DCT: variants seen among roughly 807,000 people sequenced by gnomAD.
DCT encodes dopachrome tautomerase.
DCT carries 47 observed loss-of-function variants against 53.0 expected under a neutral mutation model. The ratio of observed to expected loss-of-function variants is 0.89; its 90% CI spans 0.70 to 1.13. DCT has a LOEUF of 1.13. Ranked by LOEUF, DCT falls within the 50% of genes most tolerant of loss-of-function variation. The pLI is 0.00. For synonymous variants in DCT, 244 were observed against 237.0 expected, an observed-to-expected ratio of 1.03 and a Z score of -0.27; for missense variants, 669 against 637.4, an observed-to-expected ratio of 1.05 and a Z score of -0.53.
chr13:94,466,859 C>G (rs1305874991), intron 2 of DCT: 1 of 345,664 alleles, frequency 2.9e-6, no homozygotes, highest in Non-Finnish European at 5.3e-6. Flanking sequence ...TTAGGATAAA[C>G]CCTCCTTTAT....
upstream of DCT, among the ~76,000 whole-genome samples, chr13:94,484,552 C>G (rs1885582800): frequency 6.6e-6 from 1 of 152,160 alleles, no homozygotes; most frequent in Non-Finnish European, 1.5e-5. Context: ...CAGAAATGTA[C>G]TTTCCCACAG....
the DCT span, among the ~76,000 whole-genome samples, chr13:94,489,864 A>T: frequency 6.6e-6 from 1 of 152,186 alleles, no homozygotes; most frequent in Non-Finnish European, 1.5e-5. Flanking sequence ...TATAACTCAC[A>T]CATAGAAGAT....
At chr13:94,481,157 C>T (rs1348931036), upstream of DCT, among the ~76,000 whole-genome samples, 1 of 152,216 alleles carries the variant, frequency 6.6e-6, no homozygotes, top group Admixed American at 6.5e-5. Context: ...ATGTCTGTTT[C>T]TTATAAGGAC....
the DCT span, among the ~76,000 whole-genome samples, chr13:94,498,042 G>A: frequency 6.6e-6 from 1 of 152,210 alleles, no homozygotes; most frequent in Non-Finnish European, 1.5e-5. Flanking sequence ...CTGTCCTCAG[G>A]AAGCAAACTC....
In DCT at chr13:94,452,562, C is replaced by T. The variant is rs369005533; in HGVS notation, c.1179+7529G>A. The T allele has an allele frequency of 5.8e-5, 43 of 741,646 alleles. No homozygotes were observed. The African/African-American group carries it at 6.3e-4, about 11-fold the overall frequency. The allele number at this position is 741,646 out of a possible 1,614,324, so 45.9% of individuals were successfully genotyped here. ...TGTAACATTTATCAAATTTCAAATGCATTTTTTTACCCTTTAAGCCAGGGA... is the reference window on the plus strand; with the variant it reads ...TGTAACATTTATCAAATTTCAAATGTATTTTTTTACCCTTTAAGCCAGGGA... On this transcript the variant is annotated intron_variant, in intron 6 of 7. Transcript: ENST00000377028.
chr13:94,529,438 G>T, the DCT span, among the ~76,000 whole-genome samples: 37 of 152,124 alleles, frequency 2.4e-4, no homozygotes, highest in African/African-American at 5.8e-4. Flanking sequence ...ACAACAAACT[G>T]TCTCTCACAC....
Position 94,438,728 on chromosome 13 carries a change from T to A in DCT, c.*1170A>T. The A allele has an allele frequency of 2.2e-6, 1 of 449,436 alleles. No individual in the cohort carries two copies. The highest frequency in any genetic ancestry group is 1.6e-5 in the South Asian group (1 of 62,850). 27.8% of individuals were successfully genotyped at this position (449,436 alleles called of 1,614,324 possible). On this transcript the variant is annotated 3_prime_UTR_variant, in exon 8 of 8. Coordinates refer to ENST00000377028, the MANE Select transcript of DCT (RefSeq NM_001922.5). ...GTAGTAAAGATTGTCTCATTCTTAT[T>A]CCTCATGATCTGATGATTGCATAGC...
At chr13:94,458,074 C>A (rs1360286020) in intron 6 of DCT, among the ~76,000 whole-genome samples, 5 of 152,190 alleles carry the variant, frequency 3.3e-5, no homozygotes, top group African/African-American at 9.7e-5. Flanking sequence ...GTCCAAGATG[C>A]AAGATGCGTG....
intron 3 of DCT, among the ~76,000 whole-genome samples, 171 bp from the exon 4 acceptor site, chr13:94,465,970 A>T (rs1405160862): frequency 0.028 from 58 of 2,064 alleles, no homozygotes; most frequent in East Asian, 0.091. Context: ...TGTATATTTT[A>T]TATATATATA....
rs1882133608 is a variant in DCT at position 94,439,649 on chromosome 13, T to C, written c.*249A>G. On this transcript the variant is annotated 3_prime_UTR_variant, in exon 8 of 8. Coordinates refer to ENST00000377028, the MANE Select transcript of DCT (RefSeq NM_001922.5). ...TTGGGGGGGGGGTTATTATTAGATA[T>C]CACAAATTGTCAGGTCTATCTTTAT... The C allele has an allele frequency of 6.7e-6, 2 of 300,520 alleles. No homozygotes were observed. The highest frequency in any genetic ancestry group is 2.2e-5 in the African/African-American group (1 of 46,192). 18.6% of individuals were successfully genotyped at this position (300,520 alleles called of 1,614,324 possible).
At chr13:94,533,824 AC>A in the DCT span, among the ~76,000 whole-genome samples, 3 of 152,294 alleles carry the variant, frequency 2.0e-5, no homozygotes, top group East Asian at 5.8e-4. Context: ...TCTCTTACCA[AC>A]TCAATTAGAA....
Position 94,436,909 on chromosome 13 carries a change from C to T in DCT, c.*2989G>A, listed in dbSNP as rs1179787020. Reference sequence around the variant, plus strand: ...ACTATAGAAATAGGAAGAGCTTCAACCTTAGAGTCTCCAACAAATTGACCC... The same window carrying T: ...ACTATAGAAATAGGAAGAGCTTCAATCTTAGAGTCTCCAACAAATTGACCC... On this transcript the variant is annotated 3_prime_UTR_variant, in exon 8 of 8. Transcript: ENST00000377028. The T allele has an allele frequency of 1.3e-5, 2 of 152,172 alleles. No homozygotes were observed. Among genetic ancestry groups the T allele is most frequent in the Admixed American group, 6.5e-5 (1 of 15,278 alleles). 9.4% of individuals were successfully genotyped at this position (152,172 alleles called of 1,614,324 possible).
the DCT span, among the ~76,000 whole-genome samples, chr13:94,527,433 G>C: frequency 6.6e-6 from 1 of 152,170 alleles, no homozygotes; most frequent in Non-Finnish European, 1.5e-5. Context: ...GCTTCCAGAG[G>C]AAGGATCAGG....
At chr13:94,513,161 C>T in the DCT span, among the ~76,000 whole-genome samples, 8 of 152,196 alleles carry the variant, frequency 5.3e-5, no homozygotes, top group Non-Finnish European at 1.0e-4. Context: ...AAAGAAGGTG[C>T]CTCTCTGATG....
chr13:94,546,370 C>T, the DCT span, among the ~76,000 whole-genome samples: 1 of 152,116 alleles, frequency 6.6e-6, no homozygotes, highest in African/African-American at 2.4e-5. The surrounding 1 kb of genome is among the most constrained non-coding windows in gnomAD (Gnocchi z 4.2). Flanking sequence ...CCTCATTGTC[C>T]CTTAAAATGC....
chr13:94,466,135 G>A (rs1884205796), intron 3 of DCT, among the ~76,000 whole-genome samples: 1 of 149,464 alleles, frequency 6.7e-6, no homozygotes, highest in Admixed American at 6.7e-5. Flanking sequence ...GATACAGAAA[G>A]AAAAACACTG....
At chr13:94,503,179 G>A in the DCT span, among the ~76,000 whole-genome samples, 2 of 152,058 alleles carry the variant, frequency 1.3e-5, no homozygotes, top group South Asian at 2.1e-4. Context: ...GGAGTTCAAC[G>A]CCAGCCTGGG....
At chr13:94,525,391 C>G in the DCT span, among the ~76,000 whole-genome samples, 1 of 152,136 alleles carries the variant, frequency 6.6e-6, no homozygotes, top group Non-Finnish European at 1.5e-5. Flanking sequence ...CCTGAGGCAC[C>G]ATGCGTGGCC....
chr13:94,452,612 A>C, intron 6 of DCT: 1 of 769,184 alleles, frequency 1.3e-6, no homozygotes, highest in South Asian at 1.4e-5. Context: ...CTTACCTTAC[A>C]TGTTCAAGGA....
Sources: gnomAD v4.1 joint callset for allele counts (sites outside exome capture counted in the v4.1 genomes callset) on GRCh38, gnomAD v4.1.1 for gene constraint, Gnocchi (gnomAD v3.1) non-coding constraint, MANE v1.5 for transcripts, NCBI Gene and HGNC (gene_info 2026-07-23, HGNC 2026-07-21) for gene names.